PTPRD: variants seen among roughly 807,000 people sequenced by gnomAD.
PTPRD encodes the protein receptor-type tyrosine-protein phosphatase delta.
Under a neutral mutation model 214.5 loss-of-function variants are expected in PTPRD, and 34 were observed. That is an observed-to-expected ratio of 0.16 (90% CI 0.12 to 0.21). The LOEUF (loss-of-function observed/expected upper bound fraction) is 0.21. Among genes scored for constraint, PTPRD ranks in the 10% least tolerant of loss-of-function variants. PTPRD has a pLI of 1.00. For missense variants in PTPRD, 2,545 were observed against 2,398.7 expected (o/e 1.06, Z -1.27); for synonymous variants, 1,128 against 845.7 (o/e 1.33, Z -5.79).
rs375099733 is a variant in PTPRD, at chr9:10,362,918, C to G, written c.-599-21901G>C. 2.0e-4 allele frequency among the ~76,000 whole-genome samples: 31 copies of G among 152,038 alleles called. 1 individual carries two copies. Among genetic ancestry groups the G allele is most frequent in the East Asian group, 1.4e-3 (7 of 5,168 alleles). ...AAATAAATAAATAACTTTGCCTAGT[C>G]TCTTCACCACTGTATCTTTAGAACC... On this transcript the variant is annotated intron_variant, in intron 2 of 45. Transcript: ENST00000381196.
chr9:9,468,286 A>G (rs1481883656), intron 8 of PTPRD, among the ~76,000 whole-genome samples: 1 of 152,062 alleles, frequency 6.6e-6, no homozygotes, highest in Non-Finnish European at 1.5e-5. Flanking sequence ...AAATGTTGGT[A>G]AAAGTTTATA....
chr9:10,352,918 G>A (rs1469461492), intron 2 of PTPRD, among the ~76,000 whole-genome samples: 1 of 151,762 alleles, frequency 6.6e-6, no homozygotes, highest in Non-Finnish European at 1.5e-5. Context: ...ATACCTTTAG[G>A]TGGTTTTTTA....
intron 7 of PTPRD, among the ~76,000 whole-genome samples, chr9:9,642,714 G>T (rs1208046984): frequency 1.3e-5 from 2 of 152,160 alleles, no homozygotes; most frequent in African/African-American, 4.8e-5. Flanking sequence ...ACACACAGAG[G>T]TAAATAGTAA....
chr9:10,046,430 T>C (rs2097397545), intron 3 of PTPRD, among the ~76,000 whole-genome samples: 1 of 151,850 alleles, frequency 6.6e-6, no homozygotes, highest in Non-Finnish European at 1.5e-5. Context: ...AATATGGACG[T>C]TTAAAACCAA....
chr9:9,508,331 T>C lies in PTPRD; in HGVS notation c.-237+66401A>G, dbSNP rs962234475. Among the ~76,000 whole-genome samples the C allele has an allele frequency of 4.6e-5, 7 of 151,662 alleles. No homozygotes were observed. In the South Asian group the frequency reaches 1.2e-3, roughly 27 times the overall value. ...AAGGGAAAGCCAGGAGGTAACACAA[T>C]TCTTTCAACGCGTTGTTTCTTCTAC... On this transcript the variant is annotated intron_variant, in intron 8 of 45. Transcript: ENST00000381196.
intron 10 of PTPRD, among the ~76,000 whole-genome samples, chr9:9,168,659 C>G (rs1189827387): frequency 6.6e-6 from 1 of 151,986 alleles, no homozygotes; most frequent in Non-Finnish European, 1.5e-5. Flanking sequence ...TGAGACACCA[C>G]CACATATTTG....
intron 11 of PTPRD, among the ~76,000 whole-genome samples, chr9:8,943,205 C>T (rs111822783): frequency 0.016 from 2,358 of 152,084 alleles, 26 homozygotes; most frequent in Middle Eastern, 0.048. Context: ...GTCCATACTA[C>T]CCAAAACAAT....
At chr9:10,312,664 T>G (rs1221176400) in intron 3 of PTPRD, among the ~76,000 whole-genome samples, 1 of 151,928 alleles carries the variant, frequency 6.6e-6, no homozygotes. Context: ...AAAACATAAG[T>G]GCTTTATATA....
At chr9:10,352,047 G>T (rs1026461773) in intron 2 of PTPRD, among the ~76,000 whole-genome samples, 1 of 152,012 alleles carries the variant, frequency 6.6e-6, no homozygotes, top group Non-Finnish European at 1.5e-5. Flanking sequence ...GTGGTGGAAA[G>T]AGAACTGAAT....
intron 7 of PTPRD, among the ~76,000 whole-genome samples, chr9:9,705,537 C>T (rs1417676414): frequency 6.6e-6 from 1 of 152,158 alleles, no homozygotes; most frequent in East Asian, 1.9e-4. Flanking sequence ...AAACTGTACT[C>T]TCAAGCACTT....
At chr9:10,539,329 C>T (rs971120135) in intron 2 of PTPRD, among the ~76,000 whole-genome samples, 42 of 152,036 alleles carry the variant, frequency 2.8e-4, no homozygotes, top group South Asian at 8.3e-4. Context: ...GGATTACAGG[C>T]GACCGCCATC....
intron 33 of PTPRD, among the ~76,000 whole-genome samples, chr9:8,458,505 T>C (rs2096279436): frequency 6.6e-6 from 1 of 152,190 alleles, no homozygotes. Flanking sequence ...TCCCTTGTTT[T>C]TTGACCTACT....
At chr9:8,531,562 GT>G (rs1353018248) in intron 14 of PTPRD, among the ~76,000 whole-genome samples, 2 of 152,014 alleles carry the variant, frequency 1.3e-5, no homozygotes, top group Non-Finnish European at 2.9e-5. Flanking sequence ...AGATTTTGTT[GT>G]TGTTATGTTC....
At chr9:9,110,581 A>T (rs1253222979) in intron 10 of PTPRD, among the ~76,000 whole-genome samples, 1 of 152,146 alleles carries the variant, frequency 6.6e-6, no homozygotes, top group African/African-American at 2.4e-5. Context: ...CCTTAAGACC[A>T]GAGGCTCAAG....
intron 2 of PTPRD, among the ~76,000 whole-genome samples, chr9:10,518,027 T>C (rs994030614): frequency 6.6e-6 from 1 of 152,186 alleles, no homozygotes; most frequent in Non-Finnish European, 1.5e-5. Context: ...ATAAATTCTA[T>C]AACCACTTAG....
intron 9 of PTPRD, among the ~76,000 whole-genome samples, chr9:9,253,742 T>C (rs1431991866): frequency 6.6e-6 from 1 of 152,172 alleles, no homozygotes; most frequent in Non-Finnish European, 1.5e-5. Flanking sequence ...TGAGCTTCAC[T>C]GATTGCTTGA....
At chr9:9,995,577 C>T (rs56112749) in intron 4 of PTPRD, among the ~76,000 whole-genome samples, 3,802 of 152,220 alleles carry the variant, frequency 0.025, 170 homozygotes, top group African/African-American at 0.086. Flanking sequence ...GCAGTGGCCA[C>T]TTTAGTCAGA....
intron 4 of PTPRD, among the ~76,000 whole-genome samples, chr9:9,956,947 T>C (rs980443512): frequency 3.9e-5 from 6 of 152,062 alleles, no homozygotes; most frequent in Admixed American, 2.0e-4. Context: ...CCATAGGTGG[T>C]AGCAAAAAAA....
chr9:8,908,775 T>C (rs1566945721), intron 11 of PTPRD, among the ~76,000 whole-genome samples: 1 of 151,332 alleles, frequency 6.6e-6, no homozygotes, highest in African/African-American at 2.4e-5. Context: ...ATAAAAATAA[T>C]AAAGAAAATT....
Sources: gnomAD v4.1 joint callset for allele counts (sites outside exome capture counted in the v4.1 genomes callset) on GRCh38, gnomAD v4.1.1 for gene constraint, MANE v1.5 for transcripts, NCBI Gene and HGNC (gene_info 2026-07-23, HGNC 2026-07-21) for gene names.